Variants in NRP2 observed in about 807,000 individuals in gnomAD.
NRP2 encodes neuropilin-2.
NRP2 carries 52 observed loss-of-function variants against 110.4 expected under a neutral mutation model. The ratio of observed to expected loss-of-function variants is 0.47; its 90% CI spans 0.38 to 0.59. The LOEUF (loss-of-function observed/expected upper bound fraction) is 0.59, where lower values mean the gene tolerates loss of function less well. Among genes scored for constraint, NRP2 ranks in the 20% least tolerant of loss-of-function variants. The pLI, the probability that NRP2 is intolerant of heterozygous loss-of-function variation, is 0.00. For missense variants in NRP2, 1,049 were observed against 1,203.0 expected, an observed-to-expected ratio of 0.87 and a Z score of 1.89; for synonymous variants, 508 against 468.9, an observed-to-expected ratio of 1.08 and a Z score of -1.08.
chr2:205,714,045 C>T (rs533077338), intron 2 of NRP2, among the ~76,000 whole-genome samples: 5 of 152,346 alleles, frequency 3.3e-5, no homozygotes, highest in Admixed American at 6.5e-5. Context: ...CTCTGTGGCT[C>T]AGCCTCCTTG....
intron 15 of NRP2, chr2:205,778,314 A>G (rs1301148603): frequency 6.6e-6 from 1 of 150,800 alleles, no homozygotes; most frequent in Non-Finnish European, 1.5e-5. Context: ...CAACTTTCTC[A>G]TCTGGTTCGT....
At position 205,722,604 on chromosome 2, in the gene NRP2, T is replaced by C. The variant is rs143068720; in HGVS notation, c.560T>C (p.Ile187Thr). The C allele has an allele frequency of 6.2e-7, 1 of 1,614,148 alleles. No homozygotes were observed. The highest frequency in any genetic ancestry group is 8.5e-7 in the Non-Finnish European group (1 of 1,180,020). ...ATCCTGGCCAAACCCAAGATGGAGA[T>C]CATCCTGCAGTTCCTGATCTTTGAC... is the stretch of plus-strand genomic sequence containing the variant. Reference protein sequence around the residue: ...FTILAKPKMEIILQFLIFDLE... With the variant: ...FTILAKPKMETILQFLIFDLE... Residue 187 changes from isoleucine to threonine, a missense_variant, in exon 4 of 17, where the codon ATC (isoleucine) becomes ACC (threonine). Coordinates refer to ENST00000357785, the MANE Select transcript of NRP2 (RefSeq NM_003872.3).
chr2:205,700,782 C>G, intron 2 of NRP2: 1 of 518,236 alleles, frequency 1.9e-6, no homozygotes, highest in Middle Eastern at 3.2e-4. Context: ...GCCACCATCT[C>G]TGGTGAACTT....
At chr2:205,730,772 G>A (rs2057222603) in intron 7 of NRP2, among the ~76,000 whole-genome samples, 1 of 152,216 alleles carries the variant, frequency 6.6e-6, no homozygotes, top group South Asian at 2.1e-4. Flanking sequence ...AAGGTGGCGG[G>A]GGAGGGCTGT....
chr2:205,768,624 T>C (rs2057967546), intron 15 of NRP2: 1 of 152,180 alleles, frequency 6.6e-6, no homozygotes, highest in Admixed American at 6.5e-5. Flanking sequence ...TTGTAAAAAA[T>C]ATATACATAA....
At chr2:205,737,514 TTG>T (rs1269666863) in intron 7 of NRP2, among the ~76,000 whole-genome samples, 1 of 152,098 alleles carries the variant, frequency 6.6e-6, no homozygotes, top group Non-Finnish European at 1.5e-5. Context: ...CAGTAGTGTT[TTG>T]TGTGTGTGTG....
rs890161362 is a variant in NRP2, at chr2:205,718,538, C to T, written c.433+2164C>T. The stretch of plus-strand genomic sequence containing the variant: ...GAGAAAGCCCTGCCAACAACAGCCA[C>T]ACTCCTGGCAATGTAAGAGAGCAGA... On this transcript the variant is annotated intron_variant, in intron 3 of 16. Transcript: ENST00000357785. Among the ~76,000 whole-genome samples, 3 of 152,184 alleles carry T rather than the reference C, an allele frequency of 2.0e-5. No individual in the cohort carries two copies. In the East Asian group the frequency reaches 5.8e-4, roughly 29 times the overall value.
chr2:205,792,757 C>T (rs780065294), intron 16 of NRP2, among the ~76,000 whole-genome samples: 3 of 152,096 alleles, frequency 2.0e-5, no homozygotes, highest in Admixed American at 6.5e-5. Flanking sequence ...TGCAAGATTT[C>T]GGTTTCTTTT....
intron 6 of NRP2, among the ~76,000 whole-genome samples, chr2:205,727,513 G>A (rs1376077747): frequency 6.6e-6 from 1 of 152,196 alleles, no homozygotes; most frequent in Non-Finnish European, 1.5e-5. Context: ...CTGGACAGGA[G>A]TAGAGTGGAG....
At chr2:205,743,614 G>C (rs2057485220) in intron 9 of NRP2, 62 bp downstream of exon 9, 2 of 1,589,304 alleles carry the variant, frequency 1.3e-6, no homozygotes, top group East Asian at 2.3e-5. Flanking sequence ...GTGTGGTACA[G>C]GGAGTTGAGA....
rs557708282 is a variant in NRP2 at position 205,746,767 on chromosome 2, C to G, written c.1786+877C>G. On this transcript the variant is annotated intron_variant, in intron 10 of 16. Transcript: ENST00000357785. ...CCGTACCTGTCACGGGCTCAGCCGG[C>G]AGGATGGCATGAGGGATTAATAAGG... 7.9e-5 allele frequency among the ~76,000 whole-genome samples: 12 copies of G among 152,348 alleles called. No homozygotes were observed. The South Asian group carries it at 1.2e-3, about 16-fold the overall frequency.
intron 3 of NRP2, among the ~76,000 whole-genome samples, chr2:205,718,167 A>C (rs1441394234): frequency 6.6e-6 from 1 of 152,188 alleles, no homozygotes; most frequent in Non-Finnish European, 1.5e-5. Context: ...AGTCAGAACA[A>C]GGGTGAGCAG....
intron 2 of NRP2, among the ~76,000 whole-genome samples, chr2:205,712,158 G>C (rs1003294071): frequency 6.6e-6 from 1 of 152,156 alleles, no homozygotes; most frequent in African/African-American, 2.4e-5. Context: ...CAGAATCTGT[G>C]AGGAGACAAA....
chr2:205,699,765 T>C (rs2056512626), intron 2 of NRP2, among the ~76,000 whole-genome samples: 1 of 152,218 alleles, frequency 6.6e-6, no homozygotes, highest in African/African-American at 2.4e-5. Context: ...TCATCCTCGC[T>C]AAATCACTTC....
intron 7 of NRP2, among the ~76,000 whole-genome samples, chr2:205,732,594 G>T (rs2057261868): frequency 6.6e-6 from 1 of 152,204 alleles, no homozygotes; most frequent in Non-Finnish European, 1.5e-5. Context: ...TAGATGGAAG[G>T]CTCTCCGCGG....
Position 205,722,505 on chromosome 2 carries a change from C to T in NRP2, c.461C>T (p.Thr154Ile), listed in dbSNP as rs984744839. The T allele has an allele frequency of 1.2e-6, 2 of 1,614,186 alleles. No homozygotes were observed. Among genetic ancestry groups the T allele is most frequent in the Non-Finnish European group, 1.7e-6 (2 of 1,180,010 alleles). Residue 154 changes from threonine to isoleucine, a missense_variant, in exon 4 of 17, where the codon ACA becomes ATA. Coordinates refer to ENST00000357785, the MANE Select transcript of NRP2 (RefSeq NM_003872.3). ...TGSEDCSKNF[T>I]SPNGTIESPG... ...TCTGAAGATTGCTCAAAAAACTTCA[C>T]AAGCCCCAACGGGACCATCGAATCT...
intron 15 of NRP2, chr2:205,776,658 T>C (rs2058106162): frequency 6.4e-7 from 1 of 1,562,658 alleles, no homozygotes; most frequent in Non-Finnish European, 8.6e-7. Flanking sequence ...TCCCCAACCC[T>C]GAGCACTCTT....
chr2:205,708,284 C>A (rs1172287553), intron 2 of NRP2, among the ~76,000 whole-genome samples: 1 of 152,200 alleles, frequency 6.6e-6, no homozygotes, highest in Admixed American at 6.5e-5. Flanking sequence ...CCTAGAAAAC[C>A]ATTCCTTACA....
Position 205,765,489 on chromosome 2 carries a change from G to A in NRP2, c.2323G>A (p.Val775Met), listed in dbSNP as rs149128054. The change falls in exon 14 of 17, where the codon GTG (valine) becomes ATG (methionine). Residue 775 changes from valine (V) to methionine (M), a missense_variant. Coordinates refer to ENST00000357785, the MANE Select transcript of NRP2 (RefSeq NM_003872.3). ...CGGCTTCTAGATTGTGTTCGAGGGA[G>A]TGATAGGGAAAGGACGTTCCGGAGA... The part of the protein sequence containing the change: ...DMEYQIVFEG[V>M]IGKGRSGEIA... 194 of 1,614,048 alleles carry A rather than the reference G, an allele frequency of 1.2e-4. No individual in the cohort carries two copies. Among genetic ancestry groups the A allele is most frequent in the Non-Finnish European group, 1.5e-4 (178 of 1,180,012 alleles).
Sources: allele counts gnomAD v4.1 joint callset (sites outside exome capture counted in the v4.1 genomes callset), GRCh38; gene constraint gnomAD v4.1.1; transcripts MANE v1.5; gene names NCBI Gene and HGNC (gene_info 2026-07-23, HGNC 2026-07-21).